Variants in BTRC observed in about 807,000 individuals in gnomAD.
The protein encoded by BTRC is beta-transducin repeat containing E3 ubiquitin protein ligase, also known as F-box/WD repeat-containing protein 1A.
A neutral mutation model predicts 85.5 loss-of-function variants in BTRC; 42 were observed. The observed-to-expected ratio is 0.49, with a 90% CI of 0.38 to 0.64. The LOEUF (loss-of-function observed/expected upper bound fraction) is 0.64, where lower values mean the gene tolerates loss of function less well. Among genes scored for constraint, BTRC ranks in the 30% least tolerant of loss-of-function variants. The pLI is 0.00. For missense variants in BTRC, 594 were observed against 743.5 expected (o/e 0.80, Z 2.34); for synonymous variants, 255 against 263.3 (o/e 0.97, Z 0.30).
intron 2 of BTRC, among the ~76,000 whole-genome samples, chr10:101,460,479 A>G (rs550396204): frequency 1.3e-5 from 2 of 152,282 alleles, no homozygotes; most frequent in Admixed American, 1.3e-4. Flanking sequence ...TCTTTGTAAT[A>G]TAGCATGCTT....
Position 101,555,543 on chromosome 10 carries a change from C to T in BTRC, c.*2420C>T, listed in dbSNP as rs965891759. On this transcript the variant is annotated 3_prime_UTR_variant, in exon 15 of 15. Coordinates refer to ENST00000370187, the MANE Select transcript of BTRC (RefSeq NM_033637.4). ...AAAAACTTGAATCGTTCACATTTCT[C>T]AGCTCTGGGGGTCATTTACCAGTTT... 1.3e-5 allele frequency: 2 copies of T among 152,486 alleles called. No homozygotes were observed. The highest frequency in any genetic ancestry group is 1.3e-4 in the Admixed American group (2 of 15,280). 9.4% of individuals were successfully genotyped at this position (152,486 alleles called of 1,614,324 possible).
intron 5 of BTRC, among the ~76,000 whole-genome samples, chr10:101,523,503 CTTATA>C (rs1046223500): frequency 7.9e-5 from 12 of 151,998 alleles, no homozygotes; most frequent in Admixed American, 7.2e-4. Flanking sequence ...ATGAATGAAT[CTTATA>C]TTAAATATCA....
At chr10:101,361,573 G>T (rs11190959) in intron 1 of BTRC, among the ~76,000 whole-genome samples, 2 of 152,000 alleles carry the variant, frequency 1.3e-5, no homozygotes, top group Non-Finnish European at 2.9e-5. Context: ...GGCAATGGAG[G>T]GGGGAAGAAA....
At chr10:101,365,770 C>T (rs918398947) in intron 1 of BTRC, among the ~76,000 whole-genome samples, 4 of 152,174 alleles carry the variant, frequency 2.6e-5, no homozygotes, top group African/African-American at 9.7e-5. Context: ...AGCCACCATG[C>T]CTAGACTTCT....
At chr10:101,466,619 G>C (rs1293975857) in intron 3 of BTRC, among the ~76,000 whole-genome samples, 1 of 152,148 alleles carries the variant, frequency 6.6e-6, no homozygotes, top group East Asian at 1.9e-4. Flanking sequence ...TAAAGGTGCT[G>C]ACCCACTGAG....
intron 3 of BTRC, among the ~76,000 whole-genome samples, chr10:101,466,621 C>T (rs1945380049): frequency 6.6e-6 from 1 of 152,138 alleles, no homozygotes; most frequent in African/African-American, 2.4e-5. Context: ...AAGGTGCTGA[C>T]CCACTGAGTT....
chr10:101,532,980 A>C lies in BTRC; in HGVS notation c.1007A>C (p.Lys336Thr), dbSNP rs1346000428. The C allele has an allele frequency of 1.9e-6, 3 of 1,613,080 alleles. No homozygotes were observed. Among genetic ancestry groups the C allele is most frequent in the Admixed American group, 3.3e-5 (2 of 59,920 alleles). ...KIWDKNTLECKRILTGHTGSV... is the reference protein window; with the variant it reads ...KIWDKNTLECTRILTGHTGSV... The stretch of plus-strand genomic sequence containing the variant: ...TGGGATAAAAACACATTGGAATGCA[A>C]GCGAATTCTCACAGGCCATACAGGT... Residue 336 changes from lysine to threonine, a missense_variant, in exon 9 of 15, where the codon AAG becomes ACG. Lys to Thr is a moderately conservative substitution (Grantham distance 78). Transcript: ENST00000370187.
intron 2 of BTRC, among the ~76,000 whole-genome samples, chr10:101,433,372 TATATAAAAGGGGGACCCA>T (rs1944449382): frequency 6.6e-6 from 1 of 152,136 alleles, no homozygotes; most frequent in African/African-American, 2.4e-5. Context: ...GCTGTAAGAA[TATATAAAAGGGGGACCCA>T]ATCTAACCTG....
intron 1 of BTRC, among the ~76,000 whole-genome samples, chr10:101,356,930 A>T (rs537734854): frequency 3.3e-4 from 50 of 152,036 alleles, no homozygotes; most frequent in African/African-American, 1.2e-3. Context: ...GGAGATCGAG[A>T]CCATCCTGGC....
chr10:101,435,098 C>T (rs1256492732), intron 2 of BTRC, among the ~76,000 whole-genome samples: 1 of 152,106 alleles, frequency 6.6e-6, no homozygotes, highest in Non-Finnish European at 1.5e-5. Flanking sequence ...AGTATCTTCT[C>T]TGCCCACCTA....
intron 3 of BTRC, among the ~76,000 whole-genome samples, chr10:101,472,277 C>T (rs1032116139): frequency 3.3e-5 from 4 of 119,720 alleles, no homozygotes; most frequent in East Asian, 2.5e-4. Flanking sequence ...TTCTTTTCCT[C>T]TCTTCTCTTC....
At chr10:101,373,464 A>C (rs1486144158) in intron 1 of BTRC, among the ~76,000 whole-genome samples, 1 of 152,188 alleles carries the variant, frequency 6.6e-6, no homozygotes, top group Non-Finnish European at 1.5e-5. Flanking sequence ...AATGAAGAAA[A>C]AGAGTAAAAT....
chr10:101,421,552 G>T (rs1187236277), intron 1 of BTRC, among the ~76,000 whole-genome samples: 1 of 151,146 alleles, frequency 6.6e-6, no homozygotes. Context: ...GTGCCATGTT[G>T]GTGTGCTGCA....
Position 101,521,709 on chromosome 10 carries a change from A to G in BTRC, c.395A>G (p.Lys132Arg). The G allele has an allele frequency of 6.2e-7, 1 of 1,614,192 alleles. No homozygotes were observed. Among genetic ancestry groups the G allele is most frequent in the Non-Finnish European group, 8.5e-7 (1 of 1,180,032 alleles). The part of the protein sequence containing the change: ...KQRKLSASYE[K>R]EKELCVKYFE... Reference sequence around the variant, plus strand: ...CGGAAACTCTCAGCAAGCTATGAAAAGGAAAAGGAACTGTGTGTCAAATAC... The same window carrying G: ...CGGAAACTCTCAGCAAGCTATGAAAGGGAAAAGGAACTGTGTGTCAAATAC... Residue 132 changes from lysine (K) to arginine (R), a missense_variant, in exon 5 of 15, where the codon AAG becomes AGG. By Grantham distance (26) the Lys-to-Arg change is conservative. Around this residue, in one of 4 missense-constraint regions of BTRC, gnomAD observed 163 missense variants for 180.5 expected, o/e 0.90. Coordinates refer to ENST00000370187, the MANE Select transcript of BTRC (RefSeq NM_033637.4).
intron 1 of BTRC, among the ~76,000 whole-genome samples, chr10:101,411,865 G>A (rs923933130): frequency 1.3e-5 from 2 of 152,140 alleles, no homozygotes; most frequent in African/African-American, 4.8e-5. Flanking sequence ...TTAAAAGGAT[G>A]TTGAGTTTAT....
At chr10:101,362,834 A>T (rs1319436244) in intron 1 of BTRC, among the ~76,000 whole-genome samples, 1 of 152,264 alleles carries the variant, frequency 6.6e-6, no homozygotes, top group East Asian at 1.9e-4. Context: ...ACCACAATAA[A>T]AAATAACAAT....
At chr10:101,415,645 G>C (rs1475174290) in intron 1 of BTRC, among the ~76,000 whole-genome samples, 5 of 150,744 alleles carry the variant, frequency 3.3e-5, no homozygotes, top group Non-Finnish European at 7.4e-5. Context: ...GAGTTCAAGC[G>C]ATTCTCCTGC....
Position 101,526,038 on chromosome 10 carries a change from G to T in BTRC, c.582G>T (p.Glu194Asp). Residue 194 changes from glutamate to aspartate, a missense_variant, in exon 6 of 15, where the codon GAG becomes GAT. By Grantham distance (45) the Glu-to-Asp change is conservative. Coordinates refer to ENST00000370187, the MANE Select transcript of BTRC (RefSeq NM_033637.4). ...LPARGLDHIA[E>D]NILSYLDAKS... Reference sequence around the variant, plus strand: ...CTCGGGGATTGGATCATATTGCTGAGAACATTCTGTCATACCTGGATGCCA... The same window carrying T: ...CTCGGGGATTGGATCATATTGCTGATAACATTCTGTCATACCTGGATGCCA... 6.2e-7 allele frequency: 1 copy of T among 1,614,100 alleles called. No homozygotes were observed. Among genetic ancestry groups the T allele is most frequent in the Non-Finnish European group, 8.5e-7 (1 of 1,180,012 alleles).
intron 2 of BTRC, among the ~76,000 whole-genome samples, chr10:101,431,453 T>G (rs1441256653): frequency 6.6e-6 from 1 of 152,088 alleles, no homozygotes; most frequent in Non-Finnish European, 1.5e-5. Flanking sequence ...TGTGGAAAAT[T>G]GTAGACAAAA....
Sources: allele counts gnomAD v4.1 joint callset (sites outside exome capture counted in the v4.1 genomes callset), GRCh38; gene constraint gnomAD v4.1.1; regional missense constraint gnomAD v4.1.1; transcripts MANE v1.5; gene names NCBI Gene and HGNC (gene_info 2026-07-23, HGNC 2026-07-21).